TBC1D30: variants seen among roughly 807,000 people sequenced by gnomAD.
The protein encoded by TBC1D30 is TBC1 domain family member 30.
TBC1D30 carries 31 observed loss-of-function variants against 63.2 expected under a neutral mutation model. The observed-to-expected ratio is 0.49, with a 90% confidence interval of 0.37 to 0.66. TBC1D30 has a LOEUF of 0.66. TBC1D30 is among the 30% of genes least tolerant of loss of function. TBC1D30 has a pLI of 0.00. For synonymous variants in TBC1D30, 307 were observed against 361.5 expected (o/e 0.85, Z 1.71); for missense variants, 810 against 953.6 (o/e 0.85, Z 1.98).
In TBC1D30 at chr12:64,816,527, A is replaced by T. The variant is rs139223184; in HGVS notation, c.644-11308A>T. Among the ~76,000 whole-genome samples, 329 of 152,276 alleles carry T rather than the reference A, an allele frequency of 2.2e-3. 2 individuals are homozygous for T. Among genetic ancestry groups the T allele is most frequent in the African/African-American group, 7.5e-3 (311 of 41,554 alleles). ...TGAGGAATTCTAATAGAGTAATAAG[A>T]CTGTCTGAATATCAGTTAAATTGGT... On this transcript the variant is annotated intron_variant, in intron 2 of 12. Transcript: ENST00000542120.
chr12:64,819,543 A>C (rs946599610), intron 2 of TBC1D30, among the ~76,000 whole-genome samples: 4 of 150,956 alleles, frequency 2.6e-5, no homozygotes, highest in Admixed American at 6.6e-5. Context: ...CAGCCTCCCA[A>C]GTAGCTGGGA....
chr12:64,844,879 T>A (rs1876219942), intron 8 of TBC1D30, among the ~76,000 whole-genome samples: 1 of 152,260 alleles, frequency 6.6e-6, no homozygotes, highest in South Asian at 2.1e-4. Flanking sequence ...TGTCTTTCCG[T>A]GCCTGGCTTA....
chr12:64,845,586 C>T (rs1329828153), intron 8 of TBC1D30, among the ~76,000 whole-genome samples: 5 of 151,856 alleles, frequency 3.3e-5, no homozygotes, highest in African/African-American at 9.7e-5. Context: ...ATTAGCCAGG[C>T]GTGGTGGCGG....
At chr12:64,855,349 C>T (rs1438311696) in intron 8 of TBC1D30, among the ~76,000 whole-genome samples, 1 of 151,978 alleles carries the variant, frequency 6.6e-6, no homozygotes, top group Non-Finnish European at 1.5e-5. Context: ...CCTTCTTGTA[C>T]TTGACTGTTG....
intron 2 of TBC1D30, among the ~76,000 whole-genome samples, chr12:64,791,875 G>T (rs1483551508): frequency 6.6e-6 from 1 of 151,968 alleles, no homozygotes; most frequent in South Asian, 2.1e-4. Context: ...GTAAGCTAAC[G>T]TACTTGGCCT....
At chr12:64,850,693 T>G (rs1235040945) in intron 8 of TBC1D30, among the ~76,000 whole-genome samples, 1 of 152,192 alleles carries the variant, frequency 6.6e-6, no homozygotes, top group Non-Finnish European at 1.5e-5. Context: ...TTATTGAGGA[T>G]TTTTGCATCG....
intron 8 of TBC1D30, among the ~76,000 whole-genome samples, chr12:64,850,099 T>C (rs1209220782): frequency 6.6e-6 from 1 of 152,244 alleles, no homozygotes; most frequent in Non-Finnish European, 1.5e-5. Flanking sequence ...AGAGGAATGC[T>C]TGTGATTTTT....
In TBC1D30 at chr12:64,876,869, T is replaced by C. The variant is rs1460079621; in HGVS notation, c.*1081T>C. ...CCCAGCGGGTCAGGGATAGCACCTC[T>C]TGTCTCCACTATGCAGATGGGAACT... On this transcript the variant is annotated 3_prime_UTR_variant, in exon 12 of 12. Transcript: ENST00000539867. 2.2e-6 allele frequency: 1 copy of C among 456,062 alleles called. No homozygotes were observed. Among genetic ancestry groups the C allele is most frequent in the Non-Finnish European group, 4.4e-6 (1 of 226,798 alleles). 28.3% of individuals were successfully genotyped at this position (456,062 alleles called of 1,614,324 possible).
At chr12:64,759,905 C>T (rs1870434188) in intron 1 of TBC1D30, among the ~76,000 whole-genome samples, 1 of 152,180 alleles carries the variant, frequency 6.6e-6, no homozygotes, top group African/African-American at 2.4e-5. Context: ...GATGTTTAAT[C>T]GTTTTTAATT....
intron 1 of TBC1D30, among the ~76,000 whole-genome samples, chr12:64,767,911 CT>C (rs1233901280): frequency 6.6e-6 from 1 of 151,746 alleles, no homozygotes; most frequent in African/African-American, 2.4e-5. Context: ...AAAAAAACTG[CT>C]GCATTTTGCA....
chr12:64,766,509 T>C (rs1214585822), intron 1 of TBC1D30, among the ~76,000 whole-genome samples: 1 of 152,094 alleles, frequency 6.6e-6, no homozygotes, highest in Admixed American at 6.5e-5. Flanking sequence ...ATAACAATTA[T>C]AAATATATAT....
intron 11 of TBC1D30, among the ~76,000 whole-genome samples, chr12:64,872,170 G>A (rs1276389710): frequency 6.6e-6 from 1 of 152,120 alleles, no homozygotes; most frequent in African/African-American, 2.4e-5. Flanking sequence ...TGGGATTACA[G>A]GCATGCACCA....
intron 2 of TBC1D30, among the ~76,000 whole-genome samples, chr12:64,793,791 C>T (rs112024611): frequency 5.3e-5 from 8 of 152,218 alleles, no homozygotes; most frequent in African/African-American, 1.7e-4. Flanking sequence ...TTCCCTCACA[C>T]GACTGTTGAT....
intron 3 of TBC1D30, 24 bp downstream of exon 3, chr12:64,828,533 A>G: frequency 6.7e-7 from 1 of 1,483,072 alleles, no homozygotes; most frequent in Non-Finnish European, 9.1e-7. Context: ...ATAGGGCTAG[A>G]ATACAGAAGG....
At chr12:64,794,436 A>G (rs912108709) in intron 2 of TBC1D30, among the ~76,000 whole-genome samples, 4 of 151,384 alleles carry the variant, frequency 2.6e-5, no homozygotes, top group African/African-American at 9.7e-5. Context: ...CAAGTTCTGT[A>G]ATGTTCTTTC....
chr12:64,785,738 G>C lies in TBC1D30; in HGVS notation c.479-143G>C, dbSNP rs1262720610. 7 of 486,642 alleles carry C rather than the reference G, an allele frequency of 1.4e-5. No individual in the cohort carries two copies. In the East Asian group the frequency reaches 5.0e-4, roughly 35 times the overall value. The allele number at this position is 486,642 out of a possible 1,614,324, so 30.1% of individuals were successfully genotyped here. ...CTTATTTGATCGGAATGTCCGAGCT[G>C]AATGCATACATGTAATCTTGAGTGA... On this transcript the variant is annotated intron_variant, in intron 1 of 12. Transcript: ENST00000542120.
intron 11 of TBC1D30, among the ~76,000 whole-genome samples, chr12:64,871,394 C>T (rs1878645368): frequency 6.6e-6 from 1 of 152,180 alleles, no homozygotes; most frequent in Admixed American, 6.5e-5. Flanking sequence ...TCCCAGTGAA[C>T]AGTCTGCTTT....
chr12:64,760,634 A>G (rs1235841225), intron 1 of TBC1D30, among the ~76,000 whole-genome samples: 1 of 152,122 alleles, frequency 6.6e-6, no homozygotes, highest in African/African-American at 2.4e-5. Context: ...CCGATATAAC[A>G]AGGTATACCT....
At chr12:64,759,500 T>G (rs1870410769) in exon 1 of TBC1D30, 1 of 496,062 alleles carries the variant, frequency 2.0e-6, no homozygotes, top group Non-Finnish European at 3.5e-6. Context: ...GGCTGCGGAC[T>G]GGCGCAGCCT....
Sources: allele counts gnomAD v4.1 joint callset (sites outside exome capture counted in the v4.1 genomes callset), GRCh38; gene constraint gnomAD v4.1.1; transcripts MANE v1.5; gene names NCBI Gene and HGNC (gene_info 2026-07-23, HGNC 2026-07-21).